STT3B: variants seen among roughly 807,000 people sequenced by gnomAD.
STT3B encodes STT3 oligosaccharyltransferase complex catalytic subunit B.
In STT3B, 29 loss-of-function variants were observed where a neutral mutation model predicts 96.8. The ratio of observed to expected loss-of-function variants is 0.30; its 90% CI spans 0.22 to 0.41. STT3B has a LOEUF of 0.41. Among genes scored for constraint, STT3B ranks in the 10% least tolerant of loss-of-function variants. STT3B has a pLI of 1.00. For synonymous variants in STT3B, 367 were observed against 360.0 expected, an observed-to-expected ratio of 1.02 and a Z score of -0.22; for missense variants, 640 against 1,022.3, an observed-to-expected ratio of 0.63 and a Z score of 5.10.
rs1698903548 is a variant in STT3B at position 31,600,408 on chromosome 3, C to T, written c.826C>T (p.His276Tyr). The T allele has an allele frequency of 6.3e-7, 1 of 1,599,738 alleles. No homozygotes were observed. The highest frequency in any genetic ancestry group is 1.3e-5 in the African/African-American group (1 of 74,592). ...ATTTATCATCAATCTTATTCCACTGCATGTATTTGTGTTGTTACTGATGCA... is the reference window on the plus strand; with the variant it reads ...ATTTATCATCAATCTTATTCCACTGTATGTATTTGTGTTGTTACTGATGCA... ...YVFIINLIPLHVFVLLLMQRY... is the reference protein window; with the variant it reads ...YVFIINLIPLYVFVLLLMQRY... Residue 276 changes from histidine to tyrosine, a missense_variant, in exon 5 of 16, where the codon CAT (histidine) becomes TAT (tyrosine). Transcript: ENST00000295770.
At chr3:31,576,881 A>C (rs1018167422) in intron 2 of STT3B, among the ~76,000 whole-genome samples, 5 of 152,172 alleles carry the variant, frequency 3.3e-5, no homozygotes, top group African/African-American at 1.2e-4. Flanking sequence ...TATATCTAGA[A>C]TAATCAGATA....
At chr3:31,598,501 GTTC>G (rs1223306318) in intron 4 of STT3B, among the ~76,000 whole-genome samples, 1 of 152,138 alleles carries the variant, frequency 6.6e-6, no homozygotes, top group Admixed American at 6.6e-5. Context: ...TAGAAAGACT[GTTC>G]TTCTGGCCCA....
intron 1 of STT3B, among the ~76,000 whole-genome samples, chr3:31,554,842 C>G (rs1016579471): frequency 2.0e-5 from 3 of 152,108 alleles, no homozygotes; most frequent in Non-Finnish European, 4.4e-5. Context: ...GTTTTGCCAA[C>G]TTTAAGAAAC....
In STT3B at chr3:31,582,367, C is replaced by T. The variant is rs1438078985; in HGVS notation, c.711+2271C>T. Among the ~76,000 whole-genome samples the T allele has an allele frequency of 3.4e-5, 5 of 149,146 alleles. No homozygotes were observed. The East Asian group carries it at 9.9e-4, about 29-fold the overall frequency. ...GGCTGGAGTGCAGTGGCGCAGTCGG[C>T]TCGCTGCAACCTCTGCCTCCCAGGT... On this transcript the variant is annotated intron_variant, in intron 3 of 15. Coordinates refer to ENST00000295770, the MANE Select transcript of STT3B (RefSeq NM_178862.3).
At chr3:31,586,832 A>G (rs926589713) in intron 3 of STT3B, among the ~76,000 whole-genome samples, 5 of 152,050 alleles carry the variant, frequency 3.3e-5, no homozygotes, top group Non-Finnish European at 7.4e-5. Context: ...CTTTTTCAGA[A>G]TTAATTTGGC....
intron 4 of STT3B, among the ~76,000 whole-genome samples, chr3:31,599,959 T>G (rs1698892781): frequency 6.6e-6 from 1 of 152,154 alleles, no homozygotes; most frequent in South Asian, 2.1e-4. Context: ...CAGTGACCTT[T>G]CTTACAACAA....
intron 4 of STT3B, among the ~76,000 whole-genome samples, chr3:31,599,063 C>T (rs1454039367): frequency 6.6e-6 from 1 of 152,180 alleles, no homozygotes; most frequent in Non-Finnish European, 1.5e-5. Flanking sequence ...CCTGCCTCGG[C>T]CTCCCAAAGT....
chr3:31,634,227 G>A (rs1699717155), intron 15 of STT3B, among the ~76,000 whole-genome samples: 1 of 152,122 alleles, frequency 6.6e-6, no homozygotes, highest in African/African-American at 2.4e-5. Flanking sequence ...GATTGTCACA[G>A]GCATGAGGTA....
chr3:31,633,029 C>T lies in STT3B; in HGVS notation c.2282C>T (p.Thr761Ile). 1 of 1,614,080 alleles carries T rather than the reference C, an allele frequency of 6.2e-7. No homozygotes were observed. The highest frequency in any genetic ancestry group is 8.5e-7 in the Non-Finnish European group (1 of 1,179,968). ...TTCAAACATTTGGAAGAAGCCTTTA[C>T]ATCAGAACACTGGCTTGTTAGGATA... ...IKFKHLEEAF[T>I]SEHWLVRIYK... The change falls in exon 15 of 16, where the codon ACA becomes ATA. Residue 761 changes from threonine (T) to isoleucine (I), a missense_variant. By Grantham distance (89) the Thr-to-Ile change is moderately conservative. Transcript: ENST00000295770.
intron 1 of STT3B, among the ~76,000 whole-genome samples, chr3:31,572,756 G>A (rs1490616690): frequency 1.3e-5 from 2 of 152,138 alleles, no homozygotes; most frequent in Non-Finnish European, 2.9e-5. Flanking sequence ...AGCTACTTGG[G>A]AGGCTGTGGT....
At position 31,625,937 on chromosome 3, in the gene STT3B, T is replaced by G. The variant is rs771002138; in HGVS notation, c.1900-17T>G. 10 of 1,558,576 alleles carry G rather than the reference T, an allele frequency of 6.4e-6. No homozygotes were observed. The highest frequency in any genetic ancestry group is 2.1e-5 in the Admixed American group (1 of 48,268). Reference sequence around the variant, plus strand: ...GGAATAATCAAAAACATTCTCATTTTTTTTTAAATTCTGCAGGTGGGAAAA... The same window carrying G: ...GGAATAATCAAAAACATTCTCATTTGTTTTTAAATTCTGCAGGTGGGAAAA... On this transcript the variant is annotated splice_polypyrimidine_tract_variant and intron_variant, in intron 12 of 15. Coordinates refer to ENST00000295770, the MANE Select transcript of STT3B (RefSeq NM_178862.3).
At chr3:31,579,076 T>C (rs1698322212) in intron 2 of STT3B, among the ~76,000 whole-genome samples, 1 of 152,138 alleles carries the variant, frequency 6.6e-6, no homozygotes, top group Non-Finnish European at 1.5e-5. Context: ...TGTTCACTGT[T>C]CTTGAATCCT....
Position 31,576,518 on chromosome 3 carries a change from C to CATAA in STT3B, c.423+15_423+16insTAAA. 7.3e-7 allele frequency: 1 copy of CATAA among 1,363,706 alleles called. No individual in the cohort carries two copies. The highest frequency in any genetic ancestry group is 1.0e-6 in the Non-Finnish European group (1 of 982,056). 84.5% of individuals were successfully genotyped at this position (1,363,706 alleles called of 1,614,324 possible). A position where few individuals can be genotyped will look rare whatever the true frequency, so the allele number is the denominator to read the frequency against. ...GTAGGTGGTACTGTAAGTATATTAG[C>CATAA]AGTTCTTTATGTTAATTATAACATT... is the stretch of plus-strand genomic sequence containing the variant. On this transcript the variant is annotated intron_variant, in intron 2 of 15. Coordinates refer to ENST00000295770, the MANE Select transcript of STT3B (RefSeq NM_178862.3).
chr3:31,597,193 C>T (rs1035942179), intron 4 of STT3B, among the ~76,000 whole-genome samples: 15 of 151,552 alleles, frequency 9.9e-5, no homozygotes, highest in African/African-American at 3.6e-4. Flanking sequence ...GGAGTTTTGC[C>T]CTGTTGCCCA....
chr3:31,592,235 C>CT (rs879302451), intron 3 of STT3B, among the ~76,000 whole-genome samples: 18 of 152,132 alleles, frequency 1.2e-4, no homozygotes, highest in Admixed American at 6.5e-4. Flanking sequence ...TGACTGGCTT[C>CT]TTTCACTTAG....
Position 31,625,042 on chromosome 3 carries a change from C to T in STT3B, c.1856C>T (p.Thr619Met), listed in dbSNP as rs1342556595. 3 of 1,613,234 alleles carry T rather than the reference C, an allele frequency of 1.9e-6. No homozygotes were observed. The highest frequency in any genetic ancestry group is 2.5e-6 in the Non-Finnish European group (3 of 1,179,648). The stretch of plus-strand genomic sequence containing the variant: ...ATAGCTGGAATGGCTAATAGAACTA[C>T]GTTGGTGGATAATAACACCTGGAAT... ...YQIAGMANRT[T>M]LVDNNTWNNS... is the part of the protein sequence containing the mutation. The change falls in exon 12 of 16, where the codon ACG becomes ATG. Residue 619 changes from threonine to methionine, a missense_variant. Transcript: ENST00000295770.
At chr3:31,629,467 C>G in intron 14 of STT3B, 56 bp downstream of exon 14, 1 of 917,002 alleles carries the variant, frequency 1.1e-6, no homozygotes, top group Non-Finnish European at 1.7e-6. Context: ...TAAAACAAGT[C>G]TTATTTGCCT....
intron 1 of STT3B, among the ~76,000 whole-genome samples, chr3:31,542,123 A>G (rs542440068): frequency 1.3e-5 from 2 of 152,228 alleles, no homozygotes; most frequent in Non-Finnish European, 2.9e-5. Flanking sequence ...CAAAAATACA[A>G]GAAAGTGGGT....
intron 1 of STT3B, among the ~76,000 whole-genome samples, chr3:31,547,664 C>T (rs1197976134): frequency 6.6e-6 from 1 of 152,166 alleles, no homozygotes; most frequent in African/African-American, 2.4e-5. Context: ...GCTGTAGGCA[C>T]GCATCAAGTA....
Sources: gnomAD v4.1 joint callset for allele counts (sites outside exome capture counted in the v4.1 genomes callset) on GRCh38, gnomAD v4.1.1 for gene constraint, MANE v1.5 for transcripts, NCBI Gene and HGNC (gene_info 2026-07-23, HGNC 2026-07-21) for gene names.